Variants in ARHGEF18 observed in about 807,000 individuals in gnomAD.
ARHGEF18 encodes the protein Rho/Rac guanine nucleotide exchange factor 18.
ARHGEF18 carries 93 observed loss-of-function variants against 155.7 expected under a neutral mutation model. The observed-to-expected ratio is 0.60, with a 90% confidence interval of 0.50 to 0.71. The LOEUF (loss-of-function observed/expected upper bound fraction) is 0.71, where lower values mean the gene tolerates loss of function less well. Ranked by LOEUF, ARHGEF18 falls within the 30% of genes least tolerant of loss-of-function variation. ARHGEF18 has a pLI of 0.00. For synonymous variants in ARHGEF18, 742 were observed against 753.1 expected (o/e 0.99, Z 0.24); for missense variants, 1,593 against 1,816.1 (o/e 0.88, Z 2.23).
intron 5 of ARHGEF18, among the ~76,000 whole-genome samples, chr19:7,377,466 T>C (rs908687053): frequency 3.3e-5 from 5 of 152,130 alleles, no homozygotes; most frequent in African/African-American, 1.2e-4. Context: ...TCTAAACACA[T>C]AACAAGTCTC....
rs145248832 is a variant in ARHGEF18 at position 7,383,372 on chromosome 19, G to A, written c.967+169G>A. The A allele has an allele frequency of 2.2e-3, 1,473 of 659,886 alleles. 15 individuals carry two copies. The African/African-American group carries it at 0.026, about 12-fold the overall frequency. 40.9% of individuals were successfully genotyped at this position (659,886 alleles called of 1,614,324 possible). A position where few individuals can be genotyped will look rare whatever the true frequency, so the allele number is the denominator to read the frequency against. Reference sequence around the variant, plus strand: ...CCAGGGATCAGTCCCTGGGCACAGGGACCCTTGGGCTAACTCGGGACTGGC... The same window carrying A: ...CCAGGGATCAGTCCCTGGGCACAGGAACCCTTGGGCTAACTCGGGACTGGC... On this transcript the variant is annotated intron_variant, in intron 10 of 28. Coordinates refer to ENST00000668164, the MANE Select transcript of ARHGEF18 (RefSeq NM_001367823.1).
chr19:7,397,453 CG>C (rs1244069589), intron 10 of ARHGEF18, among the ~76,000 whole-genome samples: 1 of 151,322 alleles, frequency 6.6e-6, no homozygotes, highest in Admixed American at 6.6e-5. Context: ...TTTTTTGGGC[CG>C]GGTGCGGTGG....
At chr19:7,478,742 G>C in the ARHGEF18 span, among the ~76,000 whole-genome samples, 6 of 152,248 alleles carry the variant, frequency 3.9e-5, no homozygotes, top group African/African-American at 1.4e-4. Context: ...AGTTGGACAG[G>C]CGTGGGGACG....
chr19:7,465,519 C>T (rs1976559288), intron 23 of ARHGEF18, among the ~76,000 whole-genome samples: 1 of 151,862 alleles, frequency 6.6e-6, no homozygotes, highest in Non-Finnish European at 1.5e-5. Context: ...GCAATCCTCC[C>T]ACCTCAGCCT....
At chr19:7,356,743 C>T (rs1040261357) in intron 1 of ARHGEF18, among the ~76,000 whole-genome samples, 10 of 152,172 alleles carry the variant, frequency 6.6e-5, no homozygotes, top group African/African-American at 1.2e-4. Flanking sequence ...CCCATATGAG[C>T]GCCTCCTGGT....
chr19:7,457,353 CTTTTTTT>C (rs1159186670), intron 18 of ARHGEF18, among the ~76,000 whole-genome samples: 47 of 60,228 alleles, frequency 7.8e-4, no homozygotes, highest in Middle Eastern at 0.029. Context: ...AATCACCTCT[CTTTTTTT>C]TTTTTTTTTT....
rs770176604 is a variant in ARHGEF18, at chr19:7,462,253, C to G, written c.2554C>G (p.Gln852Glu). 4 of 1,613,754 alleles carry G rather than the reference C, an allele frequency of 2.5e-6. No individual in the cohort carries two copies. The African/African-American group carries it at 5.3e-5, about 22-fold the overall frequency. Residue 852 changes from glutamine (Q) to glutamate (E), a missense_variant, in exon 21 of 29, where the codon CAG becomes GAG. By Grantham distance (29) the Gln-to-Glu change is conservative. Transcript: ENST00000668164. The surrounding 1 kb of genome is among the most constrained non-coding windows in gnomAD (Gnocchi z 4.4). ...AEMGGLEDLP[Q>E]PRGLFRGGDP... ...GATGGGCGGCCTCGAAGACCTGCCC[C>G]AGCCCCGAGGCCTATTCCGTGGAGG...
At chr19:7,466,776 C>G in intron 23 of ARHGEF18, 142 bp from the exon 24 acceptor site, 1 of 849,302 alleles carries the variant, frequency 1.2e-6, no homozygotes, top group South Asian at 1.8e-5. Context: ...TGCACTCCAG[C>G]TTGGGCAACA....
Position 7,462,453 on chromosome 19 carries a change from C to G in ARHGEF18, c.2635+119C>G. The G allele has an allele frequency of 8.6e-7, 1 of 1,168,786 alleles. No homozygotes were observed. The highest frequency in any genetic ancestry group is 1.1e-6 in the Non-Finnish European group (1 of 907,234). The allele number at this position is 1,168,786 out of a possible 1,614,324, so 72.4% of individuals were successfully genotyped here. ...ACGGCACCCTGTCCAGGACAGGCTT[C>G]TATGTGGGGGGGGCCCAGGAGCAGC... On this transcript the variant is annotated intron_variant, in intron 21 of 28. Coordinates refer to ENST00000668164, the MANE Select transcript of ARHGEF18 (RefSeq NM_001367823.1). The surrounding 1 kb of genome is among the most constrained non-coding windows in gnomAD (Gnocchi z 4.4).
intron 19 of ARHGEF18, 133 bp from the exon 20 acceptor site, chr19:7,459,770 C>T: frequency 1.4e-6 from 1 of 704,396 alleles, no homozygotes; most frequent in South Asian, 1.9e-5. Context: ...CCTCGTCCTC[C>T]TGCACCACGA....
At chr19:7,418,286 G>C (rs1480309483) in intron 10 of ARHGEF18, among the ~76,000 whole-genome samples, 11 of 151,990 alleles carry the variant, frequency 7.2e-5, no homozygotes. Flanking sequence ...TTTAAGGCGG[G>C]ATCTCACTGT....
intron 15 of ARHGEF18, among the ~76,000 whole-genome samples, chr19:7,450,876 G>C (rs1324810986): frequency 5.3e-5 from 3 of 56,646 alleles, no homozygotes; most frequent in African/African-American, 2.8e-4. Context: ...CCGTTTCCGA[G>C]ATGTTAATGC....
chr19:7,452,666 A>G (rs369871152), intron 16 of ARHGEF18, among the ~76,000 whole-genome samples: 2 of 151,312 alleles, frequency 1.3e-5, no homozygotes, highest in East Asian at 2.0e-4. Context: ...AGGTTTCTTC[A>G]TGTTGGTCAG....
chr19:7,465,142 G>C (rs569104712), intron 23 of ARHGEF18, among the ~76,000 whole-genome samples: 3 of 152,324 alleles, frequency 2.0e-5, no homozygotes, highest in East Asian at 3.9e-4. Flanking sequence ...CTGAGGCTTG[G>C]ACTTGCCCCT....
intron 23 of ARHGEF18, among the ~76,000 whole-genome samples, chr19:7,465,093 AG>A (rs150009892): frequency 0.022 from 3,276 of 152,306 alleles, 94 homozygotes; most frequent in African/African-American, 0.068. Flanking sequence ...TGCCCAGGTC[AG>A]GGGGTCAGAG....
intron 10 of ARHGEF18, among the ~76,000 whole-genome samples, chr19:7,394,469 C>T (rs1470716982): frequency 6.6e-6 from 1 of 152,012 alleles, no homozygotes. Flanking sequence ...CTAACGAGCC[C>T]GTAGGAGCCC....
intron 1 of ARHGEF18, among the ~76,000 whole-genome samples, chr19:7,351,202 C>T (rs1358562861): frequency 1.3e-5 from 2 of 152,182 alleles, no homozygotes; most frequent in Non-Finnish European, 2.9e-5. Context: ...CTGACCTTGT[C>T]CCCAGGCCTT....
intron 10 of ARHGEF18, among the ~76,000 whole-genome samples, chr19:7,418,713 T>C (rs1414569367): frequency 6.6e-6 from 1 of 152,048 alleles, no homozygotes; most frequent in African/African-American, 2.4e-5. Context: ...GTGGCTGCGA[T>C]GTCTGTTCCT....
intron 10 of ARHGEF18, among the ~76,000 whole-genome samples, chr19:7,407,084 G>C (rs1156315213): frequency 7.0e-6 from 1 of 143,014 alleles, no homozygotes; most frequent in African/African-American, 2.6e-5. Context: ...AAAAAAAAAA[G>C]GTTATAGCCA....
Sources: allele counts gnomAD v4.1 joint callset (sites outside exome capture counted in the v4.1 genomes callset), GRCh38; gene constraint gnomAD v4.1.1; non-coding constraint Gnocchi (gnomAD v3.1); transcripts MANE v1.5; gene names NCBI Gene and HGNC (gene_info 2026-07-23, HGNC 2026-07-21).